The following ZNF737 variants were observed in gnomAD, a reference collection of about 807,000 sequenced individuals.
ZNF737 encodes zinc finger protein 102 (Y3).
Under a neutral mutation model 11.7 loss-of-function variants are expected in ZNF737, and 13 were observed. The observed-to-expected ratio is 1.11, with a 90% confidence interval of 0.73 to 1.77. ZNF737 has a LOEUF of 1.77. Ranked by LOEUF, ZNF737 falls within the 40% of genes most tolerant of loss-of-function variation. The pLI is 0.00. For missense variants in ZNF737, 636 were observed against 638.0 expected (o/e 1.00, Z 0.03); for synonymous variants, 217 against 216.2 (o/e 1.00, Z -0.03).
intron 2 of ZNF737, among the ~76,000 whole-genome samples, chr19:20,552,888 T>C (rs1968740044): frequency 6.6e-6 from 1 of 151,850 alleles, no homozygotes; most frequent in Non-Finnish European, 1.5e-5. Flanking sequence ...GACTTGCCCC[T>C]GTAGTCCCAG....
At chr19:20,551,004 G>A (rs527805512) in intron 3 of ZNF737, 1 of 152,358 alleles carries the variant, frequency 6.6e-6, no homozygotes, top group African/African-American at 2.4e-5. Flanking sequence ...CCTGGATGAA[G>A]GCACCCATTT....
rs1396397645 is a variant in ZNF737 at position 20,541,727 on chromosome 19, T to C, written c.*2865A>G. ...AGATGTGAGCCACTGTGCCTGGCCG[T>C]ATTTTATTTACATTTTTGTATAATT... is the stretch of plus-strand genomic sequence containing the variant. On this transcript the variant is annotated 3_prime_UTR_variant, in exon 4 of 4. Coordinates refer to ENST00000427401, the MANE Select transcript of ZNF737 (RefSeq NM_001159293.2). Among the ~76,000 whole-genome samples, 1 of 152,206 alleles carries C rather than the reference T, an allele frequency of 6.6e-6. No homozygotes were observed. The highest frequency in any genetic ancestry group is 1.5e-5 in the Non-Finnish European group (1 of 68,032).
intron 3 of ZNF737, among the ~76,000 whole-genome samples, chr19:20,548,985 T>TAAAAAAAAAAAAAAC (rs1555757702): frequency 1.4e-5 from 1 of 72,772 alleles, no homozygotes. Context: ...AAAAAACAAT[T>TAAAAAAAAAAAAAAC]ATGTATCTTT....
chr19:20,542,513 T>A lies in ZNF737; in HGVS notation c.*2079A>T. ...TCCCAAAGTGCTGAAATTACAGGCA[T>A]GAGCCATCAAGCCCGGCCCTAACAG... On this transcript the variant is annotated 3_prime_UTR_variant, in exon 4 of 4. Transcript: ENST00000427401. 6.2e-6 allele frequency: 6 copies of A among 974,466 alleles called. No homozygotes were observed. The highest frequency in any genetic ancestry group is 7.3e-6 in the Non-Finnish European group (6 of 819,986). The allele number at this position is 974,466 out of a possible 1,614,324, so 60.4% of individuals were successfully genotyped here. A position where few individuals can be genotyped will look rare whatever the true frequency, so the allele number is the denominator to read the frequency against.
At position 20,540,742 on chromosome 19, in the gene ZNF737, G is replaced by C; in HGVS notation, c.*3850C>G. 1.2e-6 allele frequency: 1 copy of C among 846,518 alleles called. No individual in the cohort carries two copies. The highest frequency in any genetic ancestry group is 1.4e-6 in the Non-Finnish European group (1 of 704,252). The allele number at this position is 846,518 out of a possible 1,614,324, so 52.4% of individuals were successfully genotyped here. ...CCACTGCTCTCCAGCCTGGAAGACAGAGCAACACTCCATCATGGAAAAAAA... is the reference window on the plus strand; with the variant it reads ...CCACTGCTCTCCAGCCTGGAAGACACAGCAACACTCCATCATGGAAAAAAA... On this transcript the variant is annotated 3_prime_UTR_variant, in exon 4 of 4. Transcript: ENST00000427401.
intron 1 of ZNF737, among the ~76,000 whole-genome samples, chr19:20,564,650 CAA>C (rs113601160): frequency 4.4e-5 from 6 of 136,608 alleles, no homozygotes; most frequent in African/African-American, 1.6e-4. Flanking sequence ...GACTCCGTCT[CAA>C]AAAAAAAAAA....
Position 20,539,238 on chromosome 19 carries a change from T to G in ZNF737, c.*5354A>C. ...CAGGGAGGTGGAGGTTGCAGTGAGCTGAGCACGTACCATTGCAGTGCAGCG... is the reference window on the plus strand; with the variant it reads ...CAGGGAGGTGGAGGTTGCAGTGAGCGGAGCACGTACCATTGCAGTGCAGCG... On this transcript the variant is annotated 3_prime_UTR_variant, in exon 4 of 4. Transcript: ENST00000427401. 1.1e-6 allele frequency: 1 copy of G among 876,312 alleles called. No homozygotes were observed. Among genetic ancestry groups the G allele is most frequent in the Non-Finnish European group, 1.4e-6 (1 of 730,890 alleles). 54.3% of individuals were successfully genotyped at this position (876,312 alleles called of 1,614,324 possible). A position where few individuals can be genotyped will look rare whatever the true frequency, so the allele number is the denominator to read the frequency against.
At chr19:20,533,805 G>C (rs7256690), downstream of ZNF737, among the ~76,000 whole-genome samples, 210 of 149,296 alleles carry the variant, frequency 1.4e-3, 10 homozygotes, top group African/African-American at 4.9e-3. Flanking sequence ...TTAGCTGATC[G>C]GGATCACCTG....
chr19:20,560,948 G>T (rs782056785), intron 1 of ZNF737, among the ~76,000 whole-genome samples: 19 of 152,112 alleles, frequency 1.2e-4, no homozygotes, highest in Non-Finnish European at 1.9e-4. Flanking sequence ...AAGAGAATCA[G>T]AAAACATACC....
chr19:20,542,589 TA>T lies in ZNF737; in HGVS notation c.*2002del. ...CATAAAAGTACAAGTAGTAAAGTAA[TA>T]TACTCATTTATTTTAATATACTTTT... On this transcript the variant is annotated 3_prime_UTR_variant, in exon 4 of 4. Transcript: ENST00000427401. The T allele has an allele frequency of 1.0e-6, 1 of 973,626 alleles. No individual in the cohort carries two copies. The highest frequency in any genetic ancestry group is 1.8e-5 in the African/African-American group (1 of 57,076). The allele number at this position is 973,626 out of a possible 1,614,324, so 60.3% of individuals were successfully genotyped here.
rs572439188 is a variant in ZNF737 at position 20,552,672 on chromosome 19, T to C, written c.131-102A>G. The C allele has an allele frequency of 1.1e-4, 81 of 714,352 alleles. 1 individual carries two copies. The African/African-American group carries it at 1.3e-3, about 11-fold the overall frequency. 44.3% of individuals were successfully genotyped at this position (714,352 alleles called of 1,614,324 possible). A position where few individuals can be genotyped will look rare whatever the true frequency, so the allele number is the denominator to read the frequency against. On this transcript the variant is annotated intron_variant, in intron 2 of 3. Transcript: ENST00000427401. ...AATGTAATAAAATATTATAGTAAAT[T>C]AATACCAAAATACAAATTTATAACA... is the stretch of plus-strand genomic sequence containing the variant.
At chr19:20,530,877 G>A (rs1477482572), downstream of ZNF737, among the ~76,000 whole-genome samples, 2 of 148,322 alleles carry the variant, frequency 1.3e-5, no homozygotes, top group African/African-American at 2.5e-5. Context: ...CAAGGCAGGC[G>A]GCTGGGAGGT....
intron 3 of ZNF737, among the ~76,000 whole-genome samples, chr19:20,551,829 G>A (rs1480034021): frequency 1.3e-5 from 2 of 150,224 alleles, no homozygotes; most frequent in Admixed American, 1.3e-4. Context: ...TATTATTAAA[G>A]TTTCATATTA....
chr19:20,565,513 A>G, intron 1 of ZNF737, 125 bp downstream of exon 1: 1 of 1,527,784 alleles, frequency 6.5e-7, no homozygotes, highest in Non-Finnish European at 9.1e-7. Flanking sequence ...CGAGCTGGGC[A>G]AGGAGAACTC....
chr19:20,532,654 G>C (rs1416933517), downstream of ZNF737, among the ~76,000 whole-genome samples: 2 of 149,494 alleles, frequency 1.3e-5, 1 homozygote, highest in African/African-American at 5.0e-5. Flanking sequence ...CTGGAACCTG[G>C]GTGTTTTTAA....
chr19:20,560,981 C>A (rs74718168), intron 1 of ZNF737, among the ~76,000 whole-genome samples: 13,440 of 151,950 alleles, frequency 0.088, 762 homozygotes, highest in South Asian at 0.12. Context: ...TGCTTAATAC[C>A]TCAGTGACAA....
chr19:20,544,608 G>C lies in ZNF737; in HGVS notation c.1595C>G (p.Thr532Ser). ...TCCTCACATTTATAGTTTCTCTCCAGTATGAATTACCTTATGTGTAGTAAG... is the reference window on the plus strand; with the variant it reads ...TCCTCACATTTATAGTTTCTCTCCACTATGAATTACCTTATGTGTAGTAAG... ...STLTTHKVIH[T>S]GEKL Residue 532 changes from threonine (T) to serine (S), a missense_variant, in exon 4 of 4, where the codon ACT becomes AGT. Coordinates refer to ENST00000427401, the MANE Select transcript of ZNF737 (RefSeq NM_001159293.2). The C allele has an allele frequency of 1.2e-6, 2 of 1,602,994 alleles. No homozygotes were observed. The highest frequency in any genetic ancestry group is 1.7e-6 in the Non-Finnish European group (2 of 1,175,746).
At position 20,540,025 on chromosome 19, in the gene ZNF737, G is replaced by A. The variant is rs61665029; in HGVS notation, c.*4567C>T. The A allele has an allele frequency of 5.1e-3, 4,991 of 985,334 alleles. 209 individuals carry two copies. The African/African-American group carries it at 0.081, about 16-fold the overall frequency. The allele number at this position is 985,334 out of a possible 1,614,324, so 61.0% of individuals were successfully genotyped here. ...TTCTCTTAAGCTATCCCAGATGAGA[G>A]GTGATTATTTCTTGAATGAATGAGA... On this transcript the variant is annotated 3_prime_UTR_variant, in exon 4 of 4. Transcript: ENST00000427401.
chr19:20,531,241 G>T (rs1423440002), downstream of ZNF737, among the ~76,000 whole-genome samples: 2 of 81,166 alleles, frequency 2.5e-5, no homozygotes, highest in African/African-American at 1.4e-4. Context: ...AGAGGGGAGA[G>T]GGGAGACGGG....
Sources: gnomAD v4.1 joint callset for allele counts (sites outside exome capture counted in the v4.1 genomes callset) on GRCh38, gnomAD v4.1.1 for gene constraint, MANE v1.5 for transcripts, NCBI Gene and HGNC (gene_info 2026-07-23, HGNC 2026-07-21) for gene names.